EVA1C: variants seen among roughly 807,000 people sequenced by gnomAD.
EVA1C encodes the protein eva-1 homolog C.
A neutral mutation model predicts 45.4 loss-of-function variants in EVA1C; 25 were observed. That is an observed-to-expected ratio of 0.55 (90% CI 0.40 to 0.77). EVA1C has a LOEUF of 0.77. Among genes scored for constraint, EVA1C ranks in the 30% least tolerant of loss-of-function variants. The pLI, the probability that EVA1C is intolerant of heterozygous loss-of-function variation, is 0.00. For synonymous variants in EVA1C, 190 were observed against 221.2 expected, an observed-to-expected ratio of 0.86 and a Z score of 1.25; for missense variants, 479 against 554.8, an observed-to-expected ratio of 0.86 and a Z score of 1.37.
At chr21:32,447,060 A>G (rs905876389) in intron 1 of EVA1C, among the ~76,000 whole-genome samples, 1 of 152,170 alleles carries the variant, frequency 6.6e-6, no homozygotes, top group African/African-American at 2.4e-5. Flanking sequence ...GTCTCTTGAC[A>G]ATATCCCCCT....
rs570797768 is a variant in EVA1C, at chr21:32,445,200, G to C, written c.161-8112G>C. Among the ~76,000 whole-genome samples, 8 of 152,234 alleles carry C rather than the reference G, an allele frequency of 5.3e-5. No individual in the cohort carries two copies. In the South Asian group the frequency reaches 1.2e-3, roughly 24 times the overall value. ...TAGTCATTCATGCTGTCACTTGTCC[G>C]GCTAAGGGAATCTGCAATTTTACAT... is the stretch of plus-strand genomic sequence containing the variant. On this transcript the variant is annotated intron_variant, in intron 1 of 7. Coordinates refer to ENST00000300255, the MANE Select transcript of EVA1C (RefSeq NM_058187.5).
chr21:32,472,190 G>A lies in EVA1C; in HGVS notation c.634+4342G>A, dbSNP rs145226013. Reference sequence around the variant, plus strand: ...TTATTTATTTTTGAGACAGACTCTCGCTCTGTCGCCCACGCTGGAGTGCAA... The same window carrying A: ...TTATTTATTTTTGAGACAGACTCTCACTCTGTCGCCCACGCTGGAGTGCAA... On this transcript the variant is annotated intron_variant, in intron 4 of 7. Coordinates refer to ENST00000300255, the MANE Select transcript of EVA1C (RefSeq NM_058187.5). 3.5e-3 allele frequency among the ~76,000 whole-genome samples: 531 copies of A among 152,064 alleles called. 7 individuals are homozygous for A. The highest frequency in any genetic ancestry group is 0.012 in the African/African-American group (480 of 41,440).
At chr21:32,438,814 G>C (rs1240050467) in intron 1 of EVA1C, among the ~76,000 whole-genome samples, 1 of 152,120 alleles carries the variant, frequency 6.6e-6, no homozygotes, top group Non-Finnish European at 1.5e-5. Flanking sequence ...CCAAGAGCTA[G>C]AAAAAAGGAT....
intron 3 of EVA1C, among the ~76,000 whole-genome samples, chr21:32,463,370 C>A (rs1363274315): frequency 3.3e-5 from 5 of 152,198 alleles, no homozygotes; most frequent in Non-Finnish European, 7.3e-5. Context: ...AGAACTCTAA[C>A]CCAGCTCTAA....
intron 4 of EVA1C, among the ~76,000 whole-genome samples, chr21:32,469,537 T>A (rs1018443012): frequency 2.6e-5 from 4 of 152,198 alleles, no homozygotes; most frequent in African/African-American, 7.2e-5. Flanking sequence ...CATCAAGCCC[T>A]CCTATATGAT....
chr21:32,513,551 C>T (rs373984393), intron 7 of EVA1C, among the ~76,000 whole-genome samples: 40 of 106,732 alleles, frequency 3.7e-4, no homozygotes, highest in Middle Eastern at 6.1e-3. Flanking sequence ...TTTTTCTTTT[C>T]TTTTTTTTTT....
chr21:32,444,001 A>G (rs1329110044), intron 1 of EVA1C, among the ~76,000 whole-genome samples: 1 of 151,620 alleles, frequency 6.6e-6, no homozygotes, highest in Non-Finnish European at 1.5e-5. Flanking sequence ...ACATGTTTCT[A>G]TGAGACAGGG....
intron 1 of EVA1C, among the ~76,000 whole-genome samples, chr21:32,423,039 C>A (rs1026394481): frequency 8.6e-5 from 11 of 128,370 alleles, no homozygotes; most frequent in African/African-American, 3.2e-4. Flanking sequence ...CCACTGCACT[C>A]CAGCCTGGGC....
At chr21:32,471,373 C>G (rs1380373273) in intron 4 of EVA1C, among the ~76,000 whole-genome samples, 1 of 149,014 alleles carries the variant, frequency 6.7e-6, no homozygotes, top group Non-Finnish European at 1.5e-5. Flanking sequence ...GTCACCCAGG[C>G]TGGAGTGCAG....
intron 1 of EVA1C, chr21:32,433,207 T>A (rs916521497): frequency 6.6e-6 from 1 of 152,262 alleles, no homozygotes; most frequent in Non-Finnish European, 1.5e-5. Flanking sequence ...CTTGAAGGCA[T>A]CCCCTGAGCT....
At chr21:32,419,912 A>G (rs2034198441) in intron 1 of EVA1C, among the ~76,000 whole-genome samples, 1 of 152,186 alleles carries the variant, frequency 6.6e-6, no homozygotes, top group Non-Finnish European at 1.5e-5. Context: ...TCATAATAAC[A>G]TAAATCCTAA....
At chr21:32,467,921 T>TAA (rs2036236064) in intron 4 of EVA1C, 73 bp downstream of exon 4, 1 of 864,212 alleles carries the variant, frequency 1.2e-6, no homozygotes, top group South Asian at 3.9e-5. Flanking sequence ...TATATATATA[T>TAA]CCTATATATA....
chr21:32,418,837 A>C (rs2034153543), intron 1 of EVA1C, among the ~76,000 whole-genome samples: 1 of 152,318 alleles, frequency 6.6e-6, no homozygotes, highest in East Asian at 1.9e-4. Flanking sequence ...CCTTCTGAAT[A>C]GACTGACCTT....
chr21:32,501,541 A>C, intron 6 of EVA1C, 46 bp downstream of exon 6: 2 of 1,589,662 alleles, frequency 1.3e-6, no homozygotes, highest in Non-Finnish European at 1.7e-6. Flanking sequence ...AAGTAAAGGT[A>C]AACAGCCCCT....
At chr21:32,480,571 C>T (rs571863734) in intron 4 of EVA1C, among the ~76,000 whole-genome samples, 13 of 152,090 alleles carry the variant, frequency 8.5e-5, no homozygotes, top group Middle Eastern at 3.4e-3. Context: ...GGGAGGCTAA[C>T]GTGGGAGGAT....
chr21:32,512,207 C>T (rs1270779624), intron 7 of EVA1C, among the ~76,000 whole-genome samples: 1 of 152,080 alleles, frequency 6.6e-6, no homozygotes, highest in Non-Finnish European at 1.5e-5. Flanking sequence ...GGCCTCGCTC[C>T]TATACGGGTG....
intron 5 of EVA1C, among the ~76,000 whole-genome samples, chr21:32,495,733 C>T (rs1426908398): frequency 6.6e-6 from 1 of 152,136 alleles, no homozygotes; most frequent in African/African-American, 2.4e-5. Flanking sequence ...AAATGAAATG[C>T]CTTCTTCGTT....
intron 1 of EVA1C, 143 bp downstream of exon 1, chr21:32,413,156 C>T: frequency 1.5e-6 from 1 of 670,110 alleles, no homozygotes; most frequent in Non-Finnish European, 2.2e-6. Context: ...TGGTGTGAGC[C>T]CTTGGCATAT....
At chr21:32,440,419 T>G (rs1373611578) in intron 1 of EVA1C, among the ~76,000 whole-genome samples, 3 of 152,212 alleles carry the variant, frequency 2.0e-5, no homozygotes, top group African/African-American at 4.8e-5. Context: ...CTGCATAACT[T>G]TCTAAGGTTG....
Sources: gnomAD v4.1 joint callset for allele counts (sites outside exome capture counted in the v4.1 genomes callset) on GRCh38, gnomAD v4.1.1 for gene constraint, MANE v1.5 for transcripts, NCBI Gene and HGNC (gene_info 2026-07-23, HGNC 2026-07-21) for gene names.